CREBRF: variants seen among roughly 807,000 people sequenced by gnomAD.
CREBRF encodes the protein CREB3 regulatory factor.
Under a neutral mutation model 66.1 loss-of-function variants are expected in CREBRF, and 5 were observed. The observed-to-expected ratio is 0.08, with a 90% CI of 0.04 to 0.16. The LOEUF is 0.16. CREBRF is among the 10% of genes least tolerant of loss of function. CREBRF has a pLI of 1.00. For missense variants in CREBRF, 531 were observed against 744.9 expected, an observed-to-expected ratio of 0.71 and a Z score of 3.34; for synonymous variants, 229 against 264.4, an observed-to-expected ratio of 0.87 and a Z score of 1.30.
intron 1 of CREBRF, among the ~76,000 whole-genome samples, chr5:173,079,072 G>A (rs2113703546): frequency 1.3e-5 from 2 of 152,156 alleles, no homozygotes; most frequent in East Asian, 3.9e-4. Context: ...ACGGCATGAG[G>A]TCACATAAGG....
intron 4 of CREBRF, among the ~76,000 whole-genome samples, chr5:173,094,639 CTATTACATTG>C (rs1376544246): frequency 1.3e-5 from 2 of 152,048 alleles, no homozygotes; most frequent in Admixed American, 6.6e-5. Flanking sequence ...TGTTTTCTTG[CTATTACATTG>C]TTTGGGTTCC....
rs544311195 is a variant in CREBRF, at chr5:173,063,331, G to GA, written c.-192+6854dup. Among the ~76,000 whole-genome samples the GA allele has an allele frequency of 9.9e-5, 15 of 152,252 alleles. No individual in the cohort carries two copies. The East Asian group carries it at 2.7e-3, about 27-fold the overall frequency. On this transcript the variant is annotated intron_variant, in intron 1 of 8. Coordinates refer to ENST00000296953, the MANE Select transcript of CREBRF (RefSeq NM_153607.3). ...ATCTTTTGGGTATTACTGATTTTGA[G>GA]AATTTCCTATGAAAGCCTCACAAAT...
At chr5:173,110,826 A>G in intron 6 of CREBRF, 115 bp downstream of exon 6, 2 of 704,982 alleles carry the variant, frequency 2.8e-6, no homozygotes, top group Non-Finnish European at 4.5e-6. Flanking sequence ...TATAAATACT[A>G]CAATGAGAAT....
At chr5:173,129,169 T>A (rs1339311018) in intron 8 of CREBRF, among the ~76,000 whole-genome samples, 3 of 137,488 alleles carry the variant, frequency 2.2e-5, no homozygotes, top group African/African-American at 8.6e-5. Context: ...CAGGCTGGAG[T>A]GCAGTGGCGC....
intron 4 of CREBRF, among the ~76,000 whole-genome samples, chr5:173,095,816 T>G (rs898043378): frequency 1.8e-4 from 27 of 152,048 alleles, no homozygotes; most frequent in Admixed American, 1.8e-3. Flanking sequence ...TCTAAGTTTT[T>G]TTTTTTTAGT....
chr5:173,085,680 G>A (rs1758124543), intron 2 of CREBRF: 5 of 691,432 alleles, frequency 7.2e-6, no homozygotes, highest in South Asian at 4.6e-5. Flanking sequence ...GCCTCCCAAA[G>A]TGCTGGGATT....
chr5:173,093,655 C>T (rs946328793), intron 4 of CREBRF, among the ~76,000 whole-genome samples: 2 of 152,130 alleles, frequency 1.3e-5, no homozygotes, highest in Non-Finnish European at 2.9e-5. Flanking sequence ...TAGCTAGGAC[C>T]ACAGGCGTGC....
chr5:173,074,025 G>A (rs1238870420), intron 1 of CREBRF, among the ~76,000 whole-genome samples: 2 of 141,586 alleles, frequency 1.4e-5, no homozygotes, highest in African/African-American at 2.9e-5. Flanking sequence ...CTTTTTGGCC[G>A]GTTGCGGTGG....
rs897129336 is a variant in CREBRF, at chr5:173,075,047, G to A, written c.-191-5538G>A. Among the ~76,000 whole-genome samples, 10 of 152,238 alleles carry A rather than the reference G, an allele frequency of 6.6e-5. No homozygotes were observed. The East Asian group carries it at 1.7e-3, about 26-fold the overall frequency. On this transcript the variant is annotated intron_variant, in intron 1 of 8. Transcript: ENST00000296953. ...TTCTTACAAGGTCATTATAAGTACT[G>A]CTTTGGCTAGGAAAATGATCTTTTT...
At position 173,080,607 on chromosome 5, in the gene CREBRF, T is replaced by A. The variant is rs754685541; in HGVS notation, c.-169T>A. On this transcript the variant is annotated 5_prime_UTR_variant, in exon 2 of 9. Transcript: ENST00000296953. ...CAGACAGCATCGCACAGAATTATTTTAAAAAAAAGCAGTGATCCAAGCAAT... is the reference window on the plus strand; with the variant it reads ...CAGACAGCATCGCACAGAATTATTTAAAAAAAAAGCAGTGATCCAAGCAAT... 38 of 614,586 alleles carry A rather than the reference T, an allele frequency of 6.2e-5. No individual in the cohort carries two copies. Among genetic ancestry groups the A allele is most frequent in the Admixed American group, 2.4e-4 (8 of 33,570 alleles). The allele number at this position is 614,586 out of a possible 1,614,324, so 38.1% of individuals were successfully genotyped here.
intron 7 of CREBRF, among the ~76,000 whole-genome samples, chr5:173,122,567 CTTT>C (rs1248800932): frequency 1.2e-3 from 150 of 123,184 alleles, no homozygotes; most frequent in Middle Eastern, 4.2e-3. Context: ...TCTATTATTT[CTTT>C]TATTATTATT....
chr5:173,104,525 C>T (rs775608092), intron 4 of CREBRF, among the ~76,000 whole-genome samples: 2 of 152,004 alleles, frequency 1.3e-5, no homozygotes, highest in Non-Finnish European at 2.9e-5. Flanking sequence ...ACAAAAAATA[C>T]AAAAATTAGC....
At chr5:173,059,618 T>TA (rs1757206494) in intron 1 of CREBRF, among the ~76,000 whole-genome samples, 1 of 151,854 alleles carries the variant, frequency 6.6e-6, no homozygotes, top group South Asian at 2.1e-4. Context: ...CCCTAGCCCT[T>TA]ACAATGCCCT....
At position 173,133,688 on chromosome 5, in the gene CREBRF, A is replaced by G; in HGVS notation, c.1863A>G (p.Ala621=). ...TTAACCAAGTGTTAGAGAAGACTGCAGAAGGGAATCCCACTGGAGGCCTTG... is the reference window on the plus strand; with the variant it reads ...TTAACCAAGTGTTAGAGAAGACTGCGGAAGGGAATCCCACTGGAGGCCTTG... ...EFVNQVLEKT[A]EGNPTGGLVG... Residue 621 remains alanine, a synonymous_variant, in exon 9 of 9, where the codon GCA becomes GCG. Transcript: ENST00000296953. 1 of 1,613,134 alleles carries G rather than the reference A, an allele frequency of 6.2e-7. No individual in the cohort carries two copies. The highest frequency in any genetic ancestry group is 1.1e-5 in the South Asian group (1 of 90,980).
intron 8 of CREBRF, among the ~76,000 whole-genome samples, chr5:173,129,586 A>T (rs193285737): frequency 2.0e-5 from 3 of 151,956 alleles, no homozygotes; most frequent in African/African-American, 7.2e-5. Flanking sequence ...TTAGCCAGGC[A>T]TGGTGATGCG....
intron 1 of CREBRF, among the ~76,000 whole-genome samples, chr5:173,058,130 T>C (rs1015226190): frequency 6.6e-6 from 1 of 152,274 alleles, no homozygotes. Flanking sequence ...TTTAAATATC[T>C]TTAATCTTTT....
intron 4 of CREBRF, among the ~76,000 whole-genome samples, chr5:173,098,774 G>T (rs1481186989): frequency 6.6e-6 from 1 of 151,782 alleles, no homozygotes; most frequent in Non-Finnish European, 1.5e-5. Flanking sequence ...CTTTGATATT[G>T]GGAGTACATA....
intron 7 of CREBRF, among the ~76,000 whole-genome samples, chr5:173,116,057 A>G (rs985671490): frequency 6.6e-6 from 1 of 152,212 alleles, no homozygotes; most frequent in East Asian, 1.9e-4. Flanking sequence ...CCAGTTACTC[A>G]GGAGGCTGAG....
intron 4 of CREBRF, among the ~76,000 whole-genome samples, chr5:173,100,078 TTGTGTGTGTGTGTGTG>T (rs749558283): frequency 5.8e-5 from 4 of 69,146 alleles, no homozygotes; most frequent in East Asian, 3.4e-4. Context: ...GGCTAATCTT[TTGTGTGTGTGTGTGTG>T]TGTGTGTGTG....
Sources: allele counts gnomAD v4.1 joint callset (sites outside exome capture counted in the v4.1 genomes callset), GRCh38; gene constraint gnomAD v4.1.1; transcripts MANE v1.5; gene names NCBI Gene and HGNC (gene_info 2026-07-23, HGNC 2026-07-21).